Variants in RAB5A observed in about 807,000 individuals in gnomAD.
RAB5A encodes ras-related protein Rab-5A.
In RAB5A, 8 loss-of-function variants were observed where a neutral mutation model predicts 25.7. That is an observed-to-expected ratio of 0.31 (90% CI 0.18 to 0.56). The LOEUF (loss-of-function observed/expected upper bound fraction) is 0.56. Among genes scored for constraint, RAB5A ranks in the 20% least tolerant of loss-of-function variants. The pLI, the probability that RAB5A is intolerant of heterozygous loss-of-function variation, is 0.91. For synonymous variants in RAB5A, 98 were observed against 89.8 expected (o/e 1.09, Z -0.52); for missense variants, 192 against 259.7 (o/e 0.74, Z 1.79).
chr3:19,958,039 C>T (rs1696530781), intron 2 of RAB5A, among the ~76,000 whole-genome samples: 1 of 152,132 alleles, frequency 6.6e-6, no homozygotes, highest in Non-Finnish European at 1.5e-5. Flanking sequence ...TAATTATAAT[C>T]TGTGCATTTA....
At chr3:19,957,479 C>A (rs1696520179) in intron 2 of RAB5A, among the ~76,000 whole-genome samples, 2 of 131,696 alleles carry the variant, frequency 1.5e-5, no homozygotes, top group Admixed American at 1.6e-4. Flanking sequence ...ATGGCCAAAC[C>A]CCATCCTTAC....
intron 2 of RAB5A, among the ~76,000 whole-genome samples, chr3:19,952,292 G>T (rs1275514216): frequency 2.0e-5 from 3 of 152,218 alleles, no homozygotes; most frequent in African/African-American, 7.2e-5. Context: ...ATTAGATGAT[G>T]TGTGGCAAGA....
chr3:19,958,859 A>T (rs1424019759), intron 2 of RAB5A, among the ~76,000 whole-genome samples: 1 of 152,114 alleles, frequency 6.6e-6, no homozygotes, highest in Non-Finnish European at 1.5e-5. Flanking sequence ...GAATTGCTTC[A>T]ACCTGGGAGG....
intron 5 of RAB5A, among the ~76,000 whole-genome samples, chr3:19,982,235 C>T (rs1475746474): frequency 1.3e-5 from 2 of 152,146 alleles, no homozygotes; most frequent in African/African-American, 4.8e-5. Flanking sequence ...GAGACCTTGT[C>T]TCCAAAATGA....
chr3:19,954,286 A>G (rs1040245969), intron 2 of RAB5A, among the ~76,000 whole-genome samples: 4 of 152,198 alleles, frequency 2.6e-5, no homozygotes, highest in Non-Finnish European at 5.9e-5. Context: ...AAGTGCTGGA[A>G]TTATAGGCGT....
chr3:19,977,979 T>C (rs978568222), intron 4 of RAB5A, among the ~76,000 whole-genome samples: 2 of 152,248 alleles, frequency 1.3e-5, no homozygotes, highest in African/African-American at 4.8e-5. Flanking sequence ...AAAATTGCCG[T>C]TGAGATCAAA....
Position 19,976,097 on chromosome 3 carries a change from A to G in RAB5A, c.366A>G (p.Ala122=), listed in dbSNP as rs145181037. 3.3e-4 allele frequency: 539 copies of G among 1,613,426 alleles called. No individual in the cohort carries two copies. Among genetic ancestry groups the G allele is most frequent in the Middle Eastern group, 2.3e-3 (14 of 6,058 alleles). Residue 122 remains alanine, a synonymous_variant, in exon 4 of 6, where the codon GCA becomes GCG. Coordinates refer to ENST00000273047, the MANE Select transcript of RAB5A (RefSeq NM_004162.5). ...GGGTTAAAGAACTTCAGAGGCAAGC[A>G]AGTCCTAACATTGTAATAGCTTTAT... is the stretch of plus-strand genomic sequence containing the variant. The part of the protein sequence containing the change: ...KNWVKELQRQ[A]SPNIVIALSG...
chr3:19,984,345 A>C lies in RAB5A; in HGVS notation c.*522A>C. 2 of 397,800 alleles carry C rather than the reference A, an allele frequency of 5.0e-6. No individual in the cohort carries two copies. The highest frequency in any genetic ancestry group is 1.8e-5 in the South Asian group (1 of 55,198). 24.6% of individuals were successfully genotyped at this position (397,800 alleles called of 1,614,324 possible). A position where few individuals can be genotyped will look rare whatever the true frequency, so the allele number is the denominator to read the frequency against. ...CATTTTAATAAATTAACCACAAGAA[A>C]ATAATCCCACATATACAAGGTCAGG... is the stretch of plus-strand genomic sequence containing the variant. On this transcript the variant is annotated 3_prime_UTR_variant, in exon 6 of 6. Coordinates refer to ENST00000273047, the MANE Select transcript of RAB5A (RefSeq NM_004162.5).
intron 2 of RAB5A, among the ~76,000 whole-genome samples, chr3:19,967,439 T>C (rs1414440812): frequency 6.6e-6 from 1 of 152,138 alleles, no homozygotes; most frequent in Non-Finnish European, 1.5e-5. Context: ...GCCATTGCGC[T>C]CGGCCCTTTG....
intron 2 of RAB5A, among the ~76,000 whole-genome samples, chr3:19,963,366 C>CG (rs1696616589): frequency 8.3e-5 from 1 of 12,098 alleles, no homozygotes; most frequent in African/African-American, 4.0e-4. Flanking sequence ...AGAATTTCAC[C>CG]CCCCCCCCCC....
chr3:19,984,445 A>G lies in RAB5A; in HGVS notation c.*622A>G. On this transcript the variant is annotated 3_prime_UTR_variant, in exon 6 of 6. Transcript: ENST00000273047. Reference sequence around the variant, plus strand: ...TTTTTTTAAATGGGGTAAAAATCAAATGCAACCCCATCTTGTTTTAGGAAT... The same window carrying G: ...TTTTTTTAAATGGGGTAAAAATCAAGTGCAACCCCATCTTGTTTTAGGAAT... The G allele has an allele frequency of 4.4e-6, 1 of 228,574 alleles. No homozygotes were observed. Among genetic ancestry groups the G allele is most frequent in the Non-Finnish European group, 8.7e-6 (1 of 114,806 alleles). The allele number at this position is 228,574 out of a possible 1,614,324, so 14.2% of individuals were successfully genotyped here.
At chr3:19,975,090 G>C (rs913318945) in intron 2 of RAB5A, among the ~76,000 whole-genome samples, 1 of 152,124 alleles carries the variant, frequency 6.6e-6, no homozygotes, top group Non-Finnish European at 1.5e-5. Context: ...GCCACGTGTG[G>C]TGGTGCATGC....
intron 2 of RAB5A, among the ~76,000 whole-genome samples, chr3:19,973,994 G>A (rs62241315): frequency 0.14 from 21,318 of 151,994 alleles, 1,827 homozygotes; most frequent in Non-Finnish European, 0.2. Flanking sequence ...TAATTCAAGT[G>A]CATACCAATT....
intron 3 of RAB5A, 44 bp downstream of exon 3, chr3:19,975,796 A>T: frequency 6.5e-7 from 1 of 1,536,838 alleles, no homozygotes; most frequent in Non-Finnish European, 8.8e-7. Context: ...TTGAGTACCC[A>T]CTTTTGGTGT....
chr3:19,978,904 A>G (rs1465015443), intron 5 of RAB5A: 2 of 152,270 alleles, frequency 1.3e-5, no homozygotes, highest in South Asian at 2.1e-4. Flanking sequence ...AAAAAGGAAA[A>G]CAAAACAACA....
chr3:19,978,297 G>A lies in RAB5A; in HGVS notation c.439-13G>A. 6.4e-7 allele frequency: 1 copy of A among 1,564,868 alleles called. No homozygotes were observed. The highest frequency in any genetic ancestry group is 8.8e-7 in the Non-Finnish European group (1 of 1,137,762). On this transcript the variant is annotated splice_polypyrimidine_tract_variant and intron_variant, in intron 4 of 5. Coordinates refer to ENST00000273047, the MANE Select transcript of RAB5A (RefSeq NM_004162.5). ...ATATATCTCATATATCTCATTTTTT[G>A]TTCTGTAAACAGGAAGCACAGTCCT...
intron 5 of RAB5A, 40 bp downstream of exon 5, chr3:19,978,443 A>G (rs1404708516): frequency 2.1e-6 from 3 of 1,443,152 alleles, no homozygotes; most frequent in Non-Finnish European, 2.9e-6. Context: ...AATATAAGCA[A>G]AACAAGTGTG....
intron 2 of RAB5A, chr3:19,951,268 G>A (rs866379888): frequency 2.0e-6 from 1 of 491,878 alleles, no homozygotes; most frequent in East Asian, 3.3e-5. Context: ...AATCCCTTGT[G>A]GTTATATTGT....
intron 2 of RAB5A, among the ~76,000 whole-genome samples, chr3:19,963,805 C>A (rs1696625169): frequency 6.6e-6 from 1 of 151,966 alleles, no homozygotes. Flanking sequence ...TGCCACCATG[C>A]CTGGCTAATT....
Sources: allele counts gnomAD v4.1 joint callset (sites outside exome capture counted in the v4.1 genomes callset), GRCh38; gene constraint gnomAD v4.1.1; transcripts MANE v1.5; gene names NCBI Gene and HGNC (gene_info 2026-07-23, HGNC 2026-07-21).